The following UBE2D2 variants were observed in gnomAD, a reference collection of about 807,000 sequenced individuals.
UBE2D2 encodes the protein ubiquitin-conjugating enzyme E2 D2.
UBE2D2 carries 2 observed loss-of-function variants against 24.2 expected under a neutral mutation model. The observed-to-expected ratio is 0.08, with a 90% CI of 0.03 to 0.26. The LOEUF (loss-of-function observed/expected upper bound fraction) is 0.26. Among genes scored for constraint, UBE2D2 ranks in the 10% least tolerant of loss-of-function variants. The pLI is 1.00. For missense variants in UBE2D2, 44 were observed against 177.6 expected (o/e 0.25, Z 4.28); for synonymous variants, 58 against 56.5 (o/e 1.03, Z -0.12).
intron 1 of UBE2D2, chr5:139,562,134 A>T: frequency 8.4e-7 from 1 of 1,193,394 alleles, no homozygotes; most frequent in Non-Finnish European, 1.1e-6. Flanking sequence ...TCGGGCCAGG[A>T]TGGCGGGGTT....
chr5:139,535,069 G>A (rs981285029), intron 1 of UBE2D2, among the ~76,000 whole-genome samples: 17 of 151,960 alleles, frequency 1.1e-4, no homozygotes, highest in African/African-American at 3.6e-4. Flanking sequence ...GAACCTGGGA[G>A]GCAGAGGTTT....
intron 1 of UBE2D2, among the ~76,000 whole-genome samples, chr5:139,533,265 C>T (rs976172764): frequency 6.6e-6 from 1 of 151,714 alleles, no homozygotes; most frequent in Non-Finnish European, 1.5e-5. Flanking sequence ...CTCACTACAA[C>T]CTCTGTGTTG....
chr5:139,590,848 G>A (rs1312027629), intron 1 of UBE2D2, among the ~76,000 whole-genome samples: 1 of 133,724 alleles, frequency 7.5e-6, no homozygotes, highest in African/African-American at 2.8e-5. Context: ...AGGCTGGAGT[G>A]CAGTGGCGCG....
chr5:139,601,290 G>A (rs950307177), intron 2 of UBE2D2, among the ~76,000 whole-genome samples: 2 of 152,234 alleles, frequency 1.3e-5, no homozygotes, highest in East Asian at 3.9e-4. Context: ...GCTATGTGAT[G>A]TAAAACTAAT....
At chr5:139,569,547 G>T (rs773961042) in intron 1 of UBE2D2, among the ~76,000 whole-genome samples, 7 of 152,170 alleles carry the variant, frequency 4.6e-5, no homozygotes, top group Non-Finnish European at 7.4e-5. Context: ...TGTTTTGTCT[G>T]TAGAAATAAA....
intron 1 of UBE2D2, among the ~76,000 whole-genome samples, chr5:139,589,782 G>A (rs1753804847): frequency 6.6e-6 from 1 of 152,034 alleles, no homozygotes; most frequent in Admixed American, 6.6e-5. Context: ...TAAAGTGGGG[G>A]TTGGTACTTT....
upstream of UBE2D2, among the ~76,000 whole-genome samples, chr5:139,559,691 G>A (rs1363990351): frequency 3.3e-5 from 5 of 152,062 alleles, 1 homozygote; most frequent in African/African-American, 1.2e-4. Context: ...CCCTTAGTTG[G>A]GCTCCAGTTT....
At chr5:139,549,539 G>A (rs1561498929) in intron 1 of UBE2D2, among the ~76,000 whole-genome samples, 1 of 152,236 alleles carries the variant, frequency 6.6e-6, no homozygotes, top group African/African-American at 2.4e-5. Flanking sequence ...AGGCCCACCT[G>A]CTCTGCGCTC....
intron 1 of UBE2D2, among the ~76,000 whole-genome samples, chr5:139,574,735 CAAAAAAA>C (rs75539434): frequency 2.0e-4 from 14 of 70,748 alleles, no homozygotes; most frequent in Middle Eastern, 9.8e-3. Flanking sequence ...GGTGGGGTGG[CAAAAAAA>C]AAAAAAAAAA....
intron 1 of UBE2D2, among the ~76,000 whole-genome samples, chr5:139,555,281 T>C (rs1303053226): frequency 6.6e-6 from 1 of 152,154 alleles, no homozygotes; most frequent in Non-Finnish European, 1.5e-5. Context: ...GGTCAAGTGA[T>C]CCACCCACCT....
At chr5:139,623,693 T>G in intron 6 of UBE2D2, 2 of 378,912 alleles carry the variant, frequency 5.3e-6, no homozygotes, top group Non-Finnish European at 4.8e-6. Context: ...AACTTTTTTT[T>G]TTGTTTGTTT....
At chr5:139,528,317 C>T (rs1322303211) in intron 1 of UBE2D2, among the ~76,000 whole-genome samples, 6 of 152,258 alleles carry the variant, frequency 3.9e-5, no homozygotes, top group Non-Finnish European at 8.8e-5. Context: ...ATCCCTTTCA[C>T]CCTGGCATTT....
intron 1 of UBE2D2, among the ~76,000 whole-genome samples, chr5:139,564,529 C>G (rs575636195): frequency 6.6e-6 from 1 of 152,034 alleles, no homozygotes; most frequent in African/African-American, 2.4e-5. Context: ...TCCTGGCTCA[C>G]TGCAACTTCC....
intron 6 of UBE2D2, 146 bp from the exon 7 acceptor site, chr5:139,626,610 T>A (rs1754633972): frequency 1.5e-6 from 1 of 669,666 alleles, no homozygotes; most frequent in Non-Finnish European, 2.6e-6. Context: ...GAATTAATCC[T>A]TATCAGAAAT....
chr5:139,573,785 C>T (rs924565098), intron 1 of UBE2D2, among the ~76,000 whole-genome samples: 5 of 151,804 alleles, frequency 3.3e-5, no homozygotes, highest in South Asian at 2.1e-4. Context: ...CTGGCTAACA[C>T]GGGGAAACCC....
rs57962602 is a variant in UBE2D2 at position 139,590,782 on chromosome 5, CTTTTTTTTTTTT to C, written c.25-9571_25-9560del. ...TTCATGGTGGGTATTTTCTCTTCTT[CTTTTTTTTTTTT>C]TTTTTTTTTTTTTTTTTTGAGATGT... On this transcript the variant is annotated intron_variant, in intron 1 of 6. Coordinates refer to ENST00000398733, the MANE Select transcript of UBE2D2 (RefSeq NM_003339.3). 9.5e-3 allele frequency among the ~76,000 whole-genome samples: 367 copies of C among 38,440 alleles called. 4 individuals are homozygous for C. The highest frequency in any genetic ancestry group is 0.029 in the African/African-American group (301 of 10,290). The allele number at this position is 38,440 out of a possible 152,430, so 25.2% of individuals were successfully genotyped here.
At chr5:139,554,250 C>T in intron 1 of UBE2D2, among the ~76,000 whole-genome samples, 1 of 151,948 alleles carries the variant, frequency 6.6e-6, no homozygotes. Flanking sequence ...CCTAGGCTGG[C>T]TTCAAACTCC....
chr5:139,527,716 A>T (rs1025514053), intron 1 of UBE2D2, among the ~76,000 whole-genome samples: 4 of 152,218 alleles, frequency 2.6e-5, no homozygotes, highest in Non-Finnish European at 5.9e-5. Flanking sequence ...AAACATGTTT[A>T]AAAAATTGTC....
intron 6 of UBE2D2, among the ~76,000 whole-genome samples, chr5:139,625,420 A>AC (rs1289988741): frequency 1.8e-3 from 26 of 14,388 alleles, no homozygotes; most frequent in African/African-American, 3.7e-3. Context: ...AGGCCAGCAT[A>AC]CCCACCCCCA....
Sources: gnomAD v4.1 joint callset for allele counts (sites outside exome capture counted in the v4.1 genomes callset) on GRCh38, gnomAD v4.1.1 for gene constraint, MANE v1.5 for transcripts, NCBI Gene and HGNC (gene_info 2026-07-23, HGNC 2026-07-21) for gene names.